STXBP4: variants seen among roughly 807,000 people sequenced by gnomAD.
STXBP4 encodes syntaxin-binding protein 4.
A neutral mutation model predicts 76.1 loss-of-function variants in STXBP4; 55 were observed. The observed-to-expected ratio is 0.72, with a 90% CI of 0.58 to 0.91. The LOEUF (loss-of-function observed/expected upper bound fraction) is 0.91, where lower values mean the gene tolerates loss of function less well. Among genes scored for constraint, STXBP4 ranks in the 40% least tolerant of loss-of-function variants. The pLI, the probability that STXBP4 is intolerant of heterozygous loss-of-function variation, is 0.00. For synonymous variants in STXBP4, 201 were observed against 220.2 expected (o/e 0.91, Z 0.77); for missense variants, 618 against 636.9 (o/e 0.97, Z 0.32).
At chr17:55,097,462 G>A (rs925242668) in intron 16 of STXBP4, among the ~76,000 whole-genome samples, 3 of 152,136 alleles carry the variant, frequency 2.0e-5, no homozygotes, top group African/African-American at 4.8e-5. Flanking sequence ...AGGAGATCGA[G>A]ACCATCCTGG....
chr17:54,982,979 A>G (rs935677338), intron 1 of STXBP4, among the ~76,000 whole-genome samples: 17 of 152,186 alleles, frequency 1.1e-4, no homozygotes, highest in African/African-American at 4.1e-4. Flanking sequence ...TTCAAACTCT[A>G]CTTTACAACT....
intron 10 of STXBP4, among the ~76,000 whole-genome samples, chr17:55,038,631 C>G (rs1015589778): frequency 1.3e-5 from 2 of 151,886 alleles, no homozygotes; most frequent in African/African-American, 4.9e-5. Context: ...TCACACAGTG[C>G]TACACCTGCT....
intron 16 of STXBP4, among the ~76,000 whole-genome samples, chr17:55,117,396 T>C (rs2079793128): frequency 1.3e-5 from 2 of 151,924 alleles, no homozygotes; most frequent in South Asian, 2.1e-4. Flanking sequence ...CATTCAGGTT[T>C]CGATGATGAC....
chr17:54,998,073 T>G (rs115355634), intron 4 of STXBP4, among the ~76,000 whole-genome samples: 2,168 of 152,234 alleles, frequency 0.014, 44 homozygotes, highest in African/African-American at 0.04. Context: ...TATATATTCT[T>G]TAGTCAGTGA....
At chr17:55,047,254 T>C (rs1423555897) in intron 12 of STXBP4, 100 bp downstream of exon 12, 1 of 667,580 alleles carries the variant, frequency 1.5e-6, no homozygotes, top group South Asian at 2.6e-5. Flanking sequence ...AGTGGTTCTT[T>C]ACAATATCCC....
At chr17:55,200,500 C>G in the STXBP4 span, among the ~76,000 whole-genome samples, 2 of 152,218 alleles carry the variant, frequency 1.3e-5, no homozygotes, top group Non-Finnish European at 2.9e-5. Context: ...ACTTTTACCC[C>G]TTTTTGTTTC....
At chr17:55,109,610 C>T (rs1385284784) in intron 16 of STXBP4, among the ~76,000 whole-genome samples, 1 of 148,246 alleles carries the variant, frequency 6.7e-6, no homozygotes, top group African/African-American at 2.5e-5. Context: ...ACCAAATGGC[C>T]ACAAACTCAA....
intron 17 of STXBP4, among the ~76,000 whole-genome samples, chr17:55,146,641 C>T (rs1007078248): frequency 7.2e-5 from 11 of 152,054 alleles, no homozygotes; most frequent in East Asian, 1.9e-4. Flanking sequence ...GTTGTGTACC[C>T]GGGAGGCGGA....
chr17:55,207,767 A>T, the STXBP4 span, among the ~76,000 whole-genome samples: 1 of 152,200 alleles, frequency 6.6e-6, no homozygotes, highest in African/African-American at 2.4e-5. Flanking sequence ...TGTCCCGTTT[A>T]TGCCACACAC....
chr17:55,049,859 G>A (rs2078836591), intron 12 of STXBP4, among the ~76,000 whole-genome samples: 1 of 152,000 alleles, frequency 6.6e-6, no homozygotes, highest in Non-Finnish European at 1.5e-5. Flanking sequence ...GATAAAGTAA[G>A]TTATCAAGAA....
At chr17:55,122,703 T>C (rs1329211112) in intron 16 of STXBP4, among the ~76,000 whole-genome samples, 1 of 152,176 alleles carries the variant, frequency 6.6e-6, no homozygotes, top group Admixed American at 6.5e-5. Flanking sequence ...CAAGAAGCAC[T>C]CAAAAGTTTA....
chr17:54,977,434 T>C (rs923351608), intron 1 of STXBP4, among the ~76,000 whole-genome samples: 1 of 152,186 alleles, frequency 6.6e-6, no homozygotes, highest in Admixed American at 6.5e-5. Flanking sequence ...TGTTTTGTAT[T>C]ATAAGTAATC....
intron 3 of STXBP4, among the ~76,000 whole-genome samples, chr17:54,988,907 A>G (rs1483628255): frequency 6.6e-6 from 1 of 152,154 alleles, no homozygotes; most frequent in Non-Finnish European, 1.5e-5. Flanking sequence ...AATTCAGTAT[A>G]CCTGTGATAC....
intron 1 of STXBP4, among the ~76,000 whole-genome samples, chr17:54,983,708 G>A (rs976901072): frequency 6.6e-6 from 1 of 152,032 alleles, no homozygotes; most frequent in Non-Finnish European, 1.5e-5. Context: ...CCAATTAATG[G>A]TAGTTGCTAT....
rs540463314 is a variant in STXBP4, at chr17:55,066,011, C to A, written c.1012-6889C>A. On this transcript the variant is annotated intron_variant, in intron 12 of 17. Transcript: ENST00000376352. ...TGAGCATGGATTTTACTTTATCATA[C>A]AAACTAAAGAAAATCTTTGTTTCTT... Among the ~76,000 whole-genome samples the A allele has an allele frequency of 7.9e-5, 12 of 152,248 alleles. No individual in the cohort carries two copies. The East Asian group carries it at 2.3e-3, about 29-fold the overall frequency.
chr17:55,037,644 G>A (rs2078626182), intron 10 of STXBP4, among the ~76,000 whole-genome samples: 2 of 152,006 alleles, frequency 1.3e-5, no homozygotes, highest in Admixed American at 6.6e-5. Context: ...TCGTGCAATA[G>A]AATTATATTA....
chr17:54,990,324 G>A (rs1481717964), intron 3 of STXBP4, among the ~76,000 whole-genome samples: 1 of 152,144 alleles, frequency 6.6e-6, no homozygotes, highest in East Asian at 1.9e-4. Context: ...GGGCAAGTAA[G>A]CATTACTGCC....
At chr17:55,148,496 A>G (rs1383105065) in intron 17 of STXBP4, among the ~76,000 whole-genome samples, 1 of 151,600 alleles carries the variant, frequency 6.6e-6, no homozygotes, top group Non-Finnish European at 1.5e-5. Flanking sequence ...AAAGGGTACT[A>G]CTTTTAGCTT....
At chr17:55,122,823 T>G (rs1354107934) in intron 16 of STXBP4, among the ~76,000 whole-genome samples, 1 of 152,198 alleles carries the variant, frequency 6.6e-6, no homozygotes, top group African/African-American at 2.4e-5. Flanking sequence ...GAAGAAACTT[T>G]TAAGTGCTTT....
Sources: gnomAD v4.1 joint callset for allele counts (sites outside exome capture counted in the v4.1 genomes callset) on GRCh38, gnomAD v4.1.1 for gene constraint, MANE v1.5 for transcripts, NCBI Gene and HGNC (gene_info 2026-07-23, HGNC 2026-07-21) for gene names.